Variants in OR51B5 observed in about 807,000 individuals in gnomAD.
The protein encoded by OR51B5 is olfactory receptor family 51 subfamily B member 5.
For synonymous variants in OR51B5, 186 were observed against 144.8 expected (o/e 1.28, Z -2.04); for missense variants, 456 against 374.6 (o/e 1.22, Z -1.79).
At chr11:5,464,663 C>A (rs911221321) in intron 1 of OR51B5, among the ~76,000 whole-genome samples, 9 of 152,020 alleles carry the variant, frequency 5.9e-5, no homozygotes, top group African/African-American at 2.2e-4. Context: ...ATATGTGCCA[C>A]ATTTTCTTAA....
At chr11:5,443,612 T>C (rs1850724538) in intron 1 of OR51B5, among the ~76,000 whole-genome samples, 1 of 152,062 alleles carries the variant, frequency 6.6e-6, no homozygotes, top group Admixed American at 6.6e-5. Context: ...TTTACCCCCG[T>C]CTGTAACCAC....
chr11:5,479,658 T>A (rs1851382976), intron 1 of OR51B5, among the ~76,000 whole-genome samples: 1 of 151,576 alleles, frequency 6.6e-6, no homozygotes, highest in Non-Finnish European at 1.5e-5. Flanking sequence ...AATAAAAGGA[T>A]GGAGGAAGAT....
chr11:5,351,461 C>A, intron 1 of OR51B5: 1 of 1,469,838 alleles, frequency 6.8e-7, no homozygotes, highest in Non-Finnish European at 9.3e-7. Flanking sequence ...CAACTGATTA[C>A]TATTGCTTTA....
Position 5,343,169 on chromosome 11 carries a change from TCATAGGC to T in OR51B5, c.349_355del (p.Ala117ThrfsTer21). 6.2e-7 allele frequency: 1 copy of T among 1,613,684 alleles called. No individual in the cohort carries two copies. On this transcript the variant is annotated frameshift_variant, in exon 1 of 1. Coordinates refer to ENST00000300773, the Ensembl canonical transcript of OR51B5. LOFTEE classifies it low-confidence loss of function (END_TRUNC). ...AGGGTTGCAGATGGCAATAAAACGG[TCATAGGC>T]CATGGCAAGCAGAATGCCAGACTCG...
At chr11:5,353,028 C>T (rs1589948615) in intron 1 of OR51B5, among the ~76,000 whole-genome samples, 1 of 151,678 alleles carries the variant, frequency 6.6e-6, no homozygotes, top group Non-Finnish European at 1.5e-5. Flanking sequence ...AGGAATAAGG[C>T]ATTTTTGGCT....
At chr11:5,436,442 A>G (rs1850596763) in intron 1 of OR51B5, among the ~76,000 whole-genome samples, 1 of 152,170 alleles carries the variant, frequency 6.6e-6, no homozygotes, top group African/African-American at 2.4e-5. Context: ...CTGAGATTCC[A>G]GACTCGCAAG....
chr11:5,378,514 G>A (rs558459690), intron 1 of OR51B5, among the ~76,000 whole-genome samples: 97 of 152,244 alleles, frequency 6.4e-4, no homozygotes, highest in African/African-American at 2.2e-3. Flanking sequence ...TACCATCAGA[G>A]TGAACAGGCA....
intron 1 of OR51B5, among the ~76,000 whole-genome samples, chr11:5,467,242 A>T (rs1016861792): frequency 6.6e-6 from 1 of 152,166 alleles, no homozygotes; most frequent in Non-Finnish European, 1.5e-5. Flanking sequence ...TGATTTTGCC[A>T]AAGATGTCAT....
In OR51B5 at chr11:5,454,491, C is replaced by G. The variant is rs552552649; in HGVS notation, n.84+51078G>C. The G allele has an allele frequency of 2.0e-3, 2,515 of 1,262,986 alleles. 5 individuals are homozygous for G. The highest frequency in any genetic ancestry group is 2.5e-3 in the Non-Finnish European group (2,254 of 899,920). The allele number at this position is 1,262,986 out of a possible 1,614,324, so 78.2% of individuals were successfully genotyped here. ...AGGCTCTCATCAGTAGCATCGTCAT[C>G]ATCATCATCAAAGTATAAGATAGAT... On this transcript the variant is annotated intron_variant and non_coding_transcript_variant, in intron 1 of 4. Coordinates refer to the OR51B5 transcript ENST00000415970.
rs988318120 is a variant in OR51B5 at position 5,379,506 on chromosome 11, A to T, written n.85-32596T>A. On this transcript the variant is annotated intron_variant and non_coding_transcript_variant, in intron 1 of 4. Transcript: ENST00000415970. ...ATAAAAAAATAAAAAATAAAGTTCCAGTTTATTTTTTCAGGTTTCCGTTGT... is the reference window on the plus strand; with the variant it reads ...ATAAAAAAATAAAAAATAAAGTTCCTGTTTATTTTTTCAGGTTTCCGTTGT... Among the ~76,000 whole-genome samples the T allele has an allele frequency of 8.6e-5, 13 of 151,896 alleles. No homozygotes were observed. The East Asian group carries it at 2.5e-3, about 29-fold the overall frequency.
At chr11:5,479,274 GA>G (rs1281965926) in intron 1 of OR51B5, among the ~76,000 whole-genome samples, 1 of 149,712 alleles carries the variant, frequency 6.7e-6, no homozygotes, top group Non-Finnish European at 1.5e-5. Context: ...CTTCATAAGT[GA>G]AGGAGAAATA....
chr11:5,474,523 TTATC>T (rs1851275828), intron 1 of OR51B5, among the ~76,000 whole-genome samples: 1 of 152,208 alleles, frequency 6.6e-6, no homozygotes. Flanking sequence ...AGATTGATAT[TTATC>T]TATCCAAACT....
At chr11:5,473,416 CACAG>C (rs1202091907) in intron 1 of OR51B5, among the ~76,000 whole-genome samples, 1 of 152,152 alleles carries the variant, frequency 6.6e-6, no homozygotes, top group Non-Finnish European at 1.5e-5. Flanking sequence ...TGCTGATATG[CACAG>C]ACAAATTATT....
chr11:5,488,802 C>T lies in OR51B5; in HGVS notation n.84+16767G>A, dbSNP rs529148336. ...AGGCTGCCCACTTCTGGATTGCCAT[C>T]CCTTTCTGTGCCATGTATCTTGTAG... On this transcript the variant is annotated intron_variant and non_coding_transcript_variant, in intron 1 of 4. Transcript: ENST00000415970. 48 of 1,614,020 alleles carry T rather than the reference C, an allele frequency of 3.0e-5. No homozygotes were observed. In the South Asian group the frequency reaches 5.2e-4, roughly 17 times the overall value.
At chr11:5,445,634 A>G (rs1324938219) in intron 1 of OR51B5, among the ~76,000 whole-genome samples, 1 of 151,604 alleles carries the variant, frequency 6.6e-6, no homozygotes, top group Non-Finnish European at 1.5e-5. Flanking sequence ...GGCTAAATGT[A>G]CCTCCAAGCC....
At chr11:5,406,375 G>A (rs1001812137) in intron 1 of OR51B5, among the ~76,000 whole-genome samples, 4 of 151,994 alleles carry the variant, frequency 2.6e-5, no homozygotes, top group African/African-American at 7.2e-5. Context: ...CAGTCTCAGA[G>A]ACAACATCAG....
At chr11:5,419,399 G>T (rs1850295825) in intron 1 of OR51B5, among the ~76,000 whole-genome samples, 1 of 152,110 alleles carries the variant, frequency 6.6e-6, no homozygotes, top group South Asian at 2.1e-4. Flanking sequence ...CGTATTTGTG[G>T]GTTCCACATT....
chr11:5,358,082 C>G (rs1467713850), intron 1 of OR51B5, among the ~76,000 whole-genome samples: 1 of 151,604 alleles, frequency 6.6e-6, no homozygotes, highest in African/African-American at 2.4e-5. Context: ...ATTAAAAGAA[C>G]TAGAGAAGCA....
At position 5,384,422 on chromosome 11, in the gene OR51B5, A is replaced by C. The variant is rs576205420; in HGVS notation, n.85-37512T>G. Reference sequence around the variant, plus strand: ...ATCTCTTCTGATATTCTCAGAGTCTATGCACAGAACCAGAGCCAGAGAAAG... The same window carrying C: ...ATCTCTTCTGATATTCTCAGAGTCTCTGCACAGAACCAGAGCCAGAGAAAG... On this transcript the variant is annotated intron_variant and non_coding_transcript_variant, in intron 1 of 4. Transcript: ENST00000415970. 2.0e-5 allele frequency among the ~76,000 whole-genome samples: 3 copies of C among 152,306 alleles called. No homozygotes were observed. The South Asian group carries it at 6.2e-4, about 32-fold the overall frequency.
Sources: gnomAD v4.1 joint callset for allele counts (sites outside exome capture counted in the v4.1 genomes callset) on GRCh38, gnomAD v4.1.1 for gene constraint, MANE v1.5 for transcripts, NCBI Gene and HGNC (gene_info 2026-07-23, HGNC 2026-07-21) for gene names.